Variants in SENP2 observed in about 807,000 individuals in gnomAD.
The protein encoded by SENP2 is sentrin-specific protease 2.
A neutral mutation model predicts 86.3 loss-of-function variants in SENP2; 16 were observed. That is an observed-to-expected ratio of 0.19 (90% CI 0.13 to 0.28). The LOEUF is 0.28. SENP2 is among the 10% of genes least tolerant of loss of function. The pLI, the probability that SENP2 is intolerant of heterozygous loss-of-function variation, is 1.00. For missense variants in SENP2, 552 were observed against 703.0 expected (o/e 0.79, Z 2.43); for synonymous variants, 222 against 238.7 (o/e 0.93, Z 0.64).
At chr3:185,614,530 C>T in intron 10 of SENP2, 34 bp from the exon 11 acceptor site, 2 of 1,555,798 alleles carry the variant, frequency 1.3e-6, no homozygotes, top group Non-Finnish European at 1.7e-6. Flanking sequence ...AAGTATCAAA[C>T]ATGTCAGTAG....
intron 13 of SENP2, 55 bp downstream of exon 13, chr3:185,619,557 A>T (rs1264793487): frequency 1.1e-5 from 16 of 1,451,016 alleles, no homozygotes; most frequent in East Asian, 9.1e-5. Flanking sequence ...GCCATTTTTT[A>T]AAAATAATGC....
intron 14 of SENP2, 35 bp downstream of exon 14, chr3:185,621,940 T>A: frequency 1.5e-6 from 2 of 1,362,440 alleles, no homozygotes; most frequent in Non-Finnish European, 2.1e-6. Flanking sequence ...TACCCCCTGT[T>A]GAGGTGATCT....
chr3:185,611,538 T>A (rs895169617), intron 7 of SENP2, 113 bp from the exon 8 acceptor site: 1 of 615,772 alleles, frequency 1.6e-6, no homozygotes, highest in East Asian at 2.8e-5. Context: ...TAATTTGATA[T>A]AATAGTGTAA....
intron 16 of SENP2, among the ~76,000 whole-genome samples, chr3:185,627,559 T>C (rs1310795820): frequency 2.0e-5 from 3 of 152,190 alleles, no homozygotes; most frequent in Non-Finnish European, 1.5e-5. Flanking sequence ...ACTACAGGCA[T>C]GCGCCACCAT....
rs1290682203 is a variant in SENP2 at position 185,594,163 on chromosome 3, G to C, written c.157+3994G>C. ...TATAAATAGCTTGTACTTGGATGTGGTTAAAAAAAAAAAACACACACAAAC... is the reference window on the plus strand; with the variant it reads ...TATAAATAGCTTGTACTTGGATGTGCTTAAAAAAAAAAAACACACACAAAC... On this transcript the variant is annotated intron_variant, in intron 2 of 16. Transcript: ENST00000296257. 3.3e-5 allele frequency among the ~76,000 whole-genome samples: 5 copies of C among 150,404 alleles called. No individual in the cohort carries two copies. The East Asian group carries it at 9.7e-4, about 29-fold the overall frequency.
chr3:185,612,511 A>G lies in SENP2; in HGVS notation c.818-96A>G, dbSNP rs1722730014. The G allele has an allele frequency of 5.0e-6, 4 of 794,158 alleles. No homozygotes were observed. The East Asian group carries it at 7.9e-5, about 16-fold the overall frequency. The allele number at this position is 794,158 out of a possible 1,614,324, so 49.2% of individuals were successfully genotyped here. ...CACTGTAGCATTTCAATGTAGAGGAATGTCTTGATGTTGTGGAAACTCTGT... is the reference window on the plus strand; with the variant it reads ...CACTGTAGCATTTCAATGTAGAGGAGTGTCTTGATGTTGTGGAAACTCTGT... On this transcript the variant is annotated intron_variant, in intron 8 of 16. Coordinates refer to ENST00000296257, the MANE Select transcript of SENP2 (RefSeq NM_021627.3).
At chr3:185,594,176 A>C (rs7374856) in intron 2 of SENP2, among the ~76,000 whole-genome samples, 57,546 of 151,338 alleles carry the variant, frequency 0.38, 11,173 homozygotes, top group South Asian at 0.55. Context: ...AAAAAAAAAA[A>C]ACACACACAA....
chr3:185,627,702 C>T (rs1388630400), intron 16 of SENP2, among the ~76,000 whole-genome samples: 5 of 152,040 alleles, frequency 3.3e-5, no homozygotes, highest in African/African-American at 4.8e-5. Context: ...TGAGCCACCG[C>T]GCCTGGCCTG....
At chr3:185,587,107 G>C (rs1379375734) in intron 1 of SENP2, among the ~76,000 whole-genome samples, 6 of 152,118 alleles carry the variant, frequency 3.9e-5, no homozygotes. Context: ...AAATTTGGGG[G>C]AAACGCAAAG....
chr3:185,629,393 A>G (rs987656804), intron 16 of SENP2, among the ~76,000 whole-genome samples: 8 of 152,176 alleles, frequency 5.3e-5, no homozygotes, highest in Admixed American at 2.0e-4. Flanking sequence ...CCTGGCCAAC[A>G]TGGTGAAACC....
Position 185,632,237 on chromosome 3 carries a change from G to GTTTTTTTTTTTTTTTTTTTTTTTGT in SENP2, c.*2411_*2412insTTTTTGTTTTTTTTTTTTTTTTTTT, listed in dbSNP as rs71627028. The GTTTTTTTTTTTTTTTTTTTTTTTGT allele has an allele frequency of 1.6e-5, 1 of 63,460 alleles. No homozygotes were observed. The highest frequency in any genetic ancestry group is 3.1e-5 in the Non-Finnish European group (1 of 32,222). The allele number at this position is 63,460 out of a possible 1,614,324, so 3.9% of individuals were successfully genotyped here. ...GGTTTTTTTTTTGTTTTTTTTTTTTGTTTTTTTTTTTTTTTTTTGCGACAG... is the reference window on the plus strand; with the variant it reads ...GGTTTTTTTTTTGTTTTTTTTTTTTGTTTTTTTTTTTTTTTTTTTTTTTGTTTTTTTTTTTTTTTTTTTGCGACAG... On this transcript the variant is annotated 3_prime_UTR_variant, in exon 17 of 17. Coordinates refer to ENST00000296257, the MANE Select transcript of SENP2 (RefSeq NM_021627.3).
At chr3:185,624,492 G>A (rs751446436) in intron 15 of SENP2, among the ~76,000 whole-genome samples, 16 of 152,170 alleles carry the variant, frequency 1.1e-4, no homozygotes, top group Non-Finnish European at 2.2e-4. Flanking sequence ...CCCGGTTGGT[G>A]CTAATGAAAG....
chr3:185,596,036 G>T (rs1199555548), intron 2 of SENP2, among the ~76,000 whole-genome samples: 1 of 152,048 alleles, frequency 6.6e-6, no homozygotes, highest in African/African-American at 2.4e-5. Flanking sequence ...TGCCATCTTG[G>T]TTCACTGCAA....
At position 185,586,647 on chromosome 3, in the gene SENP2, C is replaced by T; in HGVS notation, c.101+133C>T. On this transcript the variant is annotated intron_variant, in intron 1 of 16. Coordinates refer to ENST00000296257, the MANE Select transcript of SENP2 (RefSeq NM_021627.3). This position sits in a 1 kb window ranked among gnomAD's most constrained non-coding sequence, Gnocchi z 4.3. Reference sequence around the variant, plus strand: ...CCGGGATCCTAGTGACGTAGTCGCTCCCGCCAGGCTGTAGGGAGGCAGCTC... The same window carrying T: ...CCGGGATCCTAGTGACGTAGTCGCTTCCGCCAGGCTGTAGGGAGGCAGCTC... 2 of 789,560 alleles carry T rather than the reference C, an allele frequency of 2.5e-6. No homozygotes were observed. The highest frequency in any genetic ancestry group is 3.2e-5 in the South Asian group (2 of 62,540). 48.9% of individuals were successfully genotyped at this position (789,560 alleles called of 1,614,324 possible). A position where few individuals can be genotyped will look rare whatever the true frequency, so the allele number is the denominator to read the frequency against.
At chr3:185,588,641 G>A (rs1488132048) in intron 1 of SENP2, among the ~76,000 whole-genome samples, 2 of 152,202 alleles carry the variant, frequency 1.3e-5, no homozygotes, top group Admixed American at 6.5e-5. Flanking sequence ...TGCATCGTGT[G>A]TTCCAGAGAT....
chr3:185,596,729 A>G (rs184791873), intron 2 of SENP2, among the ~76,000 whole-genome samples: 1 of 152,254 alleles, frequency 6.6e-6, no homozygotes, highest in Non-Finnish European at 1.5e-5. Flanking sequence ...CCTGCCTGGG[A>G]AGTAAGGACA....
chr3:185,621,926 T>C (rs747985284), intron 14 of SENP2, 21 bp downstream of exon 14: 2 of 1,517,148 alleles, frequency 1.3e-6, no homozygotes, highest in Non-Finnish European at 1.8e-6. Flanking sequence ...GTTGAAAACC[T>C]CACTACCCCC....
chr3:185,622,196 T>G (rs13061708), intron 14 of SENP2, among the ~76,000 whole-genome samples: 1 of 152,030 alleles, frequency 6.6e-6, no homozygotes, highest in Non-Finnish European at 1.5e-5. Context: ...TCTTAGGAAC[T>G]GTTAGTTGGG....
intron 15 of SENP2, among the ~76,000 whole-genome samples, chr3:185,624,956 G>A (rs913710391): frequency 3.3e-5 from 5 of 152,124 alleles, no homozygotes; most frequent in Admixed American, 2.6e-4. Context: ...CTGTTAGGAT[G>A]AATACTGTGT....
Sources: allele counts gnomAD v4.1 joint callset (sites outside exome capture counted in the v4.1 genomes callset), GRCh38; gene constraint gnomAD v4.1.1; non-coding constraint Gnocchi (gnomAD v3.1); transcripts MANE v1.5; gene names NCBI Gene and HGNC (gene_info 2026-07-23, HGNC 2026-07-21).